Variants in KCNE2 observed in about 807,000 individuals in gnomAD.
KCNE2 encodes potassium voltage-gated channel subfamily E regulatory subunit 2, also known as potassium voltage-gated channel subfamily E member 2.
Under a neutral mutation model 4.5 loss-of-function variants are expected in KCNE2, and 4 were observed. That is an observed-to-expected ratio of 0.89 (90% CI 0.44 to 2.03). The LOEUF (loss-of-function observed/expected upper bound fraction) is 2.03. Among genes scored for constraint, KCNE2 ranks in the 30% most tolerant of loss-of-function variants. The pLI, the probability that KCNE2 is intolerant of heterozygous loss-of-function variation, is 0.03. For missense variants in KCNE2, 137 were observed against 151.4 expected, an observed-to-expected ratio of 0.90 and a Z score of 0.50; for synonymous variants, 57 against 55.9, an observed-to-expected ratio of 1.02 and a Z score of -0.09.
At chr21:34,368,926 A>C (rs545551319) in intron 1 of KCNE2, among the ~76,000 whole-genome samples, 1 of 152,270 alleles carries the variant, frequency 6.6e-6, no homozygotes, top group Non-Finnish European at 1.5e-5. Flanking sequence ...TGGTGGTGGG[A>C]AGTGATTTAG....
At position 34,371,207 on chromosome 21, in the gene KCNE2, C is replaced by A; in HGVS notation, c.*357C>A. 3.2e-6 allele frequency: 1 copy of A among 311,294 alleles called. No homozygotes were observed. The allele number at this position is 311,294 out of a possible 1,614,324, so 19.3% of individuals were successfully genotyped here. A position where few individuals can be genotyped will look rare whatever the true frequency, so the allele number is the denominator to read the frequency against. ...ATTTACAAATCATTGAATCTTCTTT[C>A]TCATGAAACATCATTTGTGTGTGAC... is the stretch of plus-strand genomic sequence containing the variant. On this transcript the variant is annotated 3_prime_UTR_variant, in exon 2 of 2. Coordinates refer to ENST00000290310, the MANE Select transcript of KCNE2 (RefSeq NM_172201.2).
At position 34,368,267 on chromosome 21, in the gene KCNE2, T is replaced by TATATA. The variant is rs1370394357; in HGVS notation, c.-12-2200_-12-2199insATATA. 5.9e-4 allele frequency among the ~76,000 whole-genome samples: 42 copies of TATATA among 71,034 alleles called. 1 individual carries two copies. Among genetic ancestry groups the TATATA allele is most frequent in the African/African-American group, 1.0e-3 (15 of 14,556 alleles). 46.6% of individuals were successfully genotyped at this position (71,034 alleles called of 152,430 possible). A position where few individuals can be genotyped will look rare whatever the true frequency, so the allele number is the denominator to read the frequency against. On this transcript the variant is annotated intron_variant, in intron 1 of 1. Coordinates refer to ENST00000290310, the MANE Select transcript of KCNE2 (RefSeq NM_172201.2). ...ATATATATATATATATATATGTATGTTATATATATGTATGTTATATATATG... is the reference window on the plus strand; with the variant it reads ...ATATATATATATATATATATGTATGTATATATATATATATGTATGTTATATATATG...
chr21:34,371,370 C>T lies in KCNE2; in HGVS notation c.*520C>T, dbSNP rs1224134224. 1 of 167,074 alleles carries T rather than the reference C, an allele frequency of 6.0e-6. No individual in the cohort carries two copies. Among genetic ancestry groups the T allele is most frequent in the Non-Finnish European group, 1.3e-5 (1 of 77,086 alleles). 10.3% of individuals were successfully genotyped at this position (167,074 alleles called of 1,614,324 possible). ...TGTGGAGTCTGAAGAGATGAATAAA[C>T]AAACCATAAGATTACTTTACATTTA... is the stretch of plus-strand genomic sequence containing the variant. On this transcript the variant is annotated 3_prime_UTR_variant, in exon 2 of 2. Transcript: ENST00000290310.
rs185176909 is a variant in KCNE2 at position 34,364,565 on chromosome 21, A to G, written c.-13+414A>G. ...CAGGCGGATCACCTGAGGTCAGGAG[A>G]TCGAGACCAGCCTGGCCAACATAGT... On this transcript the variant is annotated intron_variant, in intron 1 of 1. Transcript: ENST00000290310. Among the ~76,000 whole-genome samples, 321 of 152,098 alleles carry G rather than the reference A, an allele frequency of 2.1e-3. 1 individual carries two copies. The highest frequency in any genetic ancestry group is 7.6e-3 in the African/African-American group (314 of 41,524).
At chr21:34,368,230 ATAT>A (rs1272753761) in intron 1 of KCNE2, among the ~76,000 whole-genome samples, 41 of 13,084 alleles carry the variant, frequency 3.1e-3, no homozygotes, top group South Asian at 0.011. Flanking sequence ...CACACACACA[ATAT>A]ATATATATAT....
intron 1 of KCNE2, among the ~76,000 whole-genome samples, chr21:34,368,736 G>C (rs1249892542): frequency 6.6e-6 from 1 of 152,184 alleles, no homozygotes; most frequent in East Asian, 1.9e-4. Flanking sequence ...ATGAGTCATT[G>C]CTCCATTTAA....
At chr21:34,368,258 A>ATG (rs1555836813) in intron 1 of KCNE2, among the ~76,000 whole-genome samples, 2 of 96,238 alleles carry the variant, frequency 2.1e-5, no homozygotes, top group Non-Finnish European at 2.0e-5. Context: ...ATATATATAT[A>ATG]TATGTATGTT....
intron 1 of KCNE2, among the ~76,000 whole-genome samples, chr21:34,368,925 G>T (rs1057444429): frequency 1.3e-5 from 2 of 152,250 alleles, no homozygotes; most frequent in African/African-American, 4.8e-5. Flanking sequence ...GTGGTGGTGG[G>T]AAGTGATTTA....
chr21:34,368,170 G>A (rs1208422333), intron 1 of KCNE2, among the ~76,000 whole-genome samples: 3 of 140,676 alleles, frequency 2.1e-5, no homozygotes, highest in African/African-American at 8.1e-5. Context: ...ACAGCCGAGT[G>A]GAAAAGATGA....
chr21:34,368,756 G>T (rs1321357658), intron 1 of KCNE2, among the ~76,000 whole-genome samples: 1 of 152,158 alleles, frequency 6.6e-6, no homozygotes, highest in Non-Finnish European at 1.5e-5. Context: ...ACTGACATTT[G>T]TTGAGTGCTT....
chr21:34,368,179 G>A (rs535303335), intron 1 of KCNE2, among the ~76,000 whole-genome samples: 3 of 135,316 alleles, frequency 2.2e-5, no homozygotes, highest in Non-Finnish European at 3.0e-5. Flanking sequence ...TGGAAAAGAT[G>A]AGCCCCTAAA....
chr21:34,369,949 A>G (rs1568813527), intron 1 of KCNE2, among the ~76,000 whole-genome samples: 1 of 152,222 alleles, frequency 6.6e-6, no homozygotes, highest in Non-Finnish European at 1.5e-5. Flanking sequence ...GAGAACATAA[A>G]TGAGTCATTG....
intron 1 of KCNE2, among the ~76,000 whole-genome samples, chr21:34,368,642 G>A (rs1004234084): frequency 1.3e-5 from 2 of 152,086 alleles, no homozygotes; most frequent in African/African-American, 4.8e-5. Flanking sequence ...TTGCCTTGAT[G>A]TTATGTCTAA....
At chr21:34,367,046 A>G (rs1003795629) in intron 1 of KCNE2, among the ~76,000 whole-genome samples, 19 of 151,152 alleles carry the variant, frequency 1.3e-4, no homozygotes, top group Non-Finnish European at 4.4e-5. Context: ...AGGGGCAGAA[A>G]AAGGGTCTCT....
At position 34,370,900 on chromosome 21, in the gene KCNE2, T is replaced by A; in HGVS notation, c.*50T>A. 1 of 1,611,248 alleles carries A rather than the reference T, an allele frequency of 6.2e-7. No homozygotes were observed. The highest frequency in any genetic ancestry group is 8.5e-7 in the Non-Finnish European group (1 of 1,179,084). On this transcript the variant is annotated 3_prime_UTR_variant, in exon 2 of 2. Transcript: ENST00000290310. Reference sequence around the variant, plus strand: ...CATCTGACGTCCAGACATGAAGAGATGCCAGTGCCACGAGGCAAATCCAAA... The same window carrying A: ...CATCTGACGTCCAGACATGAAGAGAAGCCAGTGCCACGAGGCAAATCCAAA...
At chr21:34,369,215 A>T (rs59452583) in intron 1 of KCNE2, among the ~76,000 whole-genome samples, 2,107 of 152,266 alleles carry the variant, frequency 0.014, 53 homozygotes, top group African/African-American at 0.048. Context: ...CCATCGCATC[A>T]TTTTAAAAGC....
chr21:34,366,024 A>G (rs910822901), intron 1 of KCNE2, among the ~76,000 whole-genome samples: 1 of 152,198 alleles, frequency 6.6e-6, no homozygotes, highest in African/African-American at 2.4e-5. Flanking sequence ...ATTAAGTCTT[A>G]TCAAAAAGCA....
Position 34,370,943 on chromosome 21 carries a change from A to G in KCNE2, c.*93A>G, listed in dbSNP as rs1979566323. 1.1e-5 allele frequency: 17 copies of G among 1,506,546 alleles called. No individual in the cohort carries two copies. The highest frequency in any genetic ancestry group is 1.4e-5 in the Non-Finnish European group (15 of 1,089,742). 93.3% of individuals were successfully genotyped at this position (1,506,546 alleles called of 1,614,324 possible). ...AATCCAAATTGTCTTTGCTTAGAAG[A>G]AAGTGAGTTCCTTGCTCTCTGTTGA... On this transcript the variant is annotated 3_prime_UTR_variant, in exon 2 of 2. Transcript: ENST00000290310.
chr21:34,364,505 C>T lies in KCNE2; in HGVS notation c.-13+354C>T, dbSNP rs1979210523. ...AACTTTGGGGCTGGGCGCGGTGGCT[C>T]ACGCCTGTAATCCCAGCACTTTGAG... On this transcript the variant is annotated intron_variant, in intron 1 of 1. Coordinates refer to ENST00000290310, the MANE Select transcript of KCNE2 (RefSeq NM_172201.2). 5.3e-5 allele frequency among the ~76,000 whole-genome samples: 8 copies of T among 152,178 alleles called. No homozygotes were observed. In the South Asian group the frequency reaches 8.3e-4, roughly 16 times the overall value.
Sources: gnomAD v4.1 joint callset for allele counts (sites outside exome capture counted in the v4.1 genomes callset) on GRCh38, gnomAD v4.1.1 for gene constraint, MANE v1.5 for transcripts, NCBI Gene and HGNC (gene_info 2026-07-23, HGNC 2026-07-21) for gene names.